LARGE1: variants seen among roughly 807,000 people sequenced by gnomAD.
The protein encoded by LARGE1 is xylosyl- and glucuronyltransferase LARGE1.
Under a neutral mutation model 87.6 loss-of-function variants are expected in LARGE1, and 43 were observed. The observed-to-expected ratio is 0.49, with a 90% CI of 0.38 to 0.63. The LOEUF (loss-of-function observed/expected upper bound fraction) is 0.63. LARGE1 is among the 30% of genes least tolerant of loss of function. The pLI is 0.00. For missense variants in LARGE1, 802 were observed against 1,000.2 expected (o/e 0.80, Z 2.67); for synonymous variants, 434 against 394.6 (o/e 1.10, Z -1.18).
chr22:33,695,800 A>G (rs181071200), intron 2 of LARGE1, among the ~76,000 whole-genome samples: 1 of 152,296 alleles, frequency 6.6e-6, no homozygotes, highest in East Asian at 1.9e-4. Context: ...TTGACAATGC[A>G]TACTCCTATG....
chr22:33,395,086 G>A (rs551122893), intron 7 of LARGE1, among the ~76,000 whole-genome samples: 9 of 152,140 alleles, frequency 5.9e-5, no homozygotes, highest in South Asian at 4.2e-4. Context: ...AAAATTAGCC[G>A]GGCGTGGTGG....
intron 11 of LARGE1, among the ~76,000 whole-genome samples, chr22:33,202,941 A>G (rs1679195476): frequency 6.6e-6 from 1 of 152,222 alleles, no homozygotes; most frequent in African/African-American, 2.4e-5. Context: ...GTTCTTGTCC[A>G]CCCTTTGCTA....
chr22:33,249,314 T>C (rs1380658486), intron 11 of LARGE1, among the ~76,000 whole-genome samples: 1 of 152,262 alleles, frequency 6.6e-6, no homozygotes, highest in Non-Finnish European at 1.5e-5. Flanking sequence ...CAACTTTTTA[T>C]ATGTTTATTT....
chr22:33,882,436 C>G (rs904674250), intron 1 of LARGE1, among the ~76,000 whole-genome samples: 1 of 152,162 alleles, frequency 6.6e-6, no homozygotes, highest in East Asian at 1.9e-4. Flanking sequence ...ACCAAGATGC[C>G]CCCCCACACC....
intron 6 of LARGE1, among the ~76,000 whole-genome samples, chr22:33,437,554 T>C (rs2067315511): frequency 6.6e-6 from 1 of 152,164 alleles, no homozygotes; most frequent in African/African-American, 2.4e-5. Flanking sequence ...AAAGCGTCGA[T>C]GAAATAGTAA....
chr22:33,452,896 C>G (rs73882230), intron 6 of LARGE1, among the ~76,000 whole-genome samples: 160 of 152,194 alleles, frequency 1.1e-3, no homozygotes, highest in African/African-American at 3.7e-3. Context: ...AGAAATGAAC[C>G]CTGCACAATC....
At chr22:33,740,275 T>C (rs975879784) in intron 2 of LARGE1, among the ~76,000 whole-genome samples, 7 of 152,194 alleles carry the variant, frequency 4.6e-5, no homozygotes, top group African/African-American at 1.4e-4. Flanking sequence ...GTGCCCCTTT[T>C]TCTGGATTCC....
At chr22:33,262,044 G>T (rs1226024868) in intron 11 of LARGE1, among the ~76,000 whole-genome samples, 3 of 152,252 alleles carry the variant, frequency 2.0e-5, no homozygotes, top group African/African-American at 7.2e-5. Flanking sequence ...TATTGATGGG[G>T]TGTTTGGAGT....
chr22:33,574,686 TTGTGTGTGTGTGTGTG>T (rs3986017), intron 5 of LARGE1, among the ~76,000 whole-genome samples: 3,753 of 143,994 alleles, frequency 0.026, 69 homozygotes, highest in East Asian at 0.073. Context: ...ATATAAACAA[TTGTGTGTGTGTGTGTG>T]TGTGTGTGTG....
intron 7 of LARGE1, among the ~76,000 whole-genome samples, chr22:33,386,710 G>A (rs888144067): frequency 6.7e-6 from 1 of 148,754 alleles, no homozygotes; most frequent in African/African-American, 2.4e-5. Context: ...AATGTTGGGG[G>A]GGGTAGAAAG....
chr22:33,795,060 G>GT (rs1478733213), intron 1 of LARGE1, among the ~76,000 whole-genome samples: 3 of 152,204 alleles, frequency 2.0e-5, no homozygotes, highest in Non-Finnish European at 4.4e-5. Context: ...TCAATGAATG[G>GT]TAAGAGTTGT....
chr22:33,833,503 C>A (rs186041541), intron 1 of LARGE1, among the ~76,000 whole-genome samples: 1 of 152,134 alleles, frequency 6.6e-6, no homozygotes, highest in East Asian at 1.9e-4. Context: ...GGAGAGAGGC[C>A]CTGGAAGAAG....
At chr22:33,230,475 A>G (rs1015319969) in intron 11 of LARGE1, among the ~76,000 whole-genome samples, 1 of 152,200 alleles carries the variant, frequency 6.6e-6, no homozygotes, top group African/African-American at 2.4e-5. Context: ...GACCCTGAAA[A>G]TCAGAGAAAA....
the LARGE1 span, among the ~76,000 whole-genome samples, chr22:33,085,902 T>C: frequency 2.6e-5 from 4 of 152,190 alleles, no homozygotes; most frequent in East Asian, 7.7e-4. Flanking sequence ...GAGTTAATAA[T>C]ACAGTAAATT....
Position 33,615,001 on chromosome 22 carries a change from T to A in LARGE1, c.492-10443A>T, listed in dbSNP as rs530604647. 3.9e-5 allele frequency among the ~76,000 whole-genome samples: 6 copies of A among 152,336 alleles called. No individual in the cohort carries two copies. In the South Asian group the frequency reaches 6.2e-4, roughly 16 times the overall value. On this transcript the variant is annotated intron_variant, in intron 4 of 14. Transcript: ENST00000397394. ...ACCCCGCTAACTGCGTCTGGCCTTC[T>A]GTTCTCAAGTTAGACACCACAGTTC...
chr22:33,732,247 TGCCC>T (rs2083496018), intron 2 of LARGE1: 1 of 152,184 alleles, frequency 6.6e-6, no homozygotes, highest in Non-Finnish European at 1.5e-5. Context: ...TCGTTCCTTC[TGCCC>T]ACAGAGAAGC....
chr22:33,073,486 T>G, the LARGE1 span, among the ~76,000 whole-genome samples: 2 of 152,198 alleles, frequency 1.3e-5, no homozygotes, highest in African/African-American at 4.8e-5. Flanking sequence ...ATCCATTTTA[T>G]AACCTAGAAC....
intron 7 of LARGE1, among the ~76,000 whole-genome samples, chr22:33,392,189 G>GA (rs1180382487): frequency 1.3e-5 from 2 of 150,330 alleles, no homozygotes; most frequent in African/African-American, 4.9e-5. Context: ...GAAGGGGAAG[G>GA]AAAAAGAAAA....
chr22:33,334,730 A>T (rs1239138295), intron 10 of LARGE1, among the ~76,000 whole-genome samples: 1 of 152,182 alleles, frequency 6.6e-6, no homozygotes, highest in Non-Finnish European at 1.5e-5. Flanking sequence ...TTTCTCATTC[A>T]TGGGCCTCCT....
Sources: gnomAD v4.1 joint callset for allele counts (sites outside exome capture counted in the v4.1 genomes callset) on GRCh38, gnomAD v4.1.1 for gene constraint, MANE v1.5 for transcripts, NCBI Gene and HGNC (gene_info 2026-07-23, HGNC 2026-07-21) for gene names.